The following SYNE2 variants were observed in gnomAD, a reference collection of about 807,000 sequenced individuals.
SYNE2 encodes the protein spectrin repeat containing nuclear envelope protein 2, also known as nesprin-2.
In SYNE2, 431 loss-of-function variants were observed where a neutral mutation model predicts 856.3. The ratio of observed to expected loss-of-function variants is 0.50; its 90% CI spans 0.47 to 0.55. The LOEUF (loss-of-function observed/expected upper bound fraction) is 0.55. Ranked by LOEUF, SYNE2 falls within the 20% of genes least tolerant of loss-of-function variation. SYNE2 has a pLI of 0.00. For synonymous variants in SYNE2, 2,923 were observed against 2,872.3 expected (o/e 1.02, Z -0.56); for missense variants, 8,129 against 8,023.2 (o/e 1.01, Z -0.50).
chr14:63,991,786 A>G (rs1230270232), intron 21 of SYNE2, among the ~76,000 whole-genome samples: 2 of 152,144 alleles, frequency 1.3e-5, no homozygotes, highest in Admixed American at 6.5e-5. Flanking sequence ...TTTTTCATTC[A>G]TATTCAGCAT....
At chr14:64,073,905 G>A (rs751086109) in intron 52 of SYNE2, 63 bp from the exon 53 acceptor site, 70 of 1,551,636 alleles carry the variant, frequency 4.5e-5, no homozygotes, top group Admixed American at 1.3e-4. Context: ...CAATAAAACT[G>A]TTTCATTTTA....
chr14:64,224,358 A>G, intron 113 of SYNE2, 103 bp from the exon 114 acceptor site: 2 of 1,132,844 alleles, frequency 1.8e-6, no homozygotes, highest in South Asian at 2.5e-5. Context: ...AAAACAAAAC[A>G]AAACAAAAAA....
Position 64,141,579 on chromosome 14 carries a change from CTT to C in SYNE2, c.15159+59_15159+60del, listed in dbSNP as rs373652616. The C allele has an allele frequency of 3.4e-4, 535 of 1,560,402 alleles. 2 individuals carry two copies. The African/African-American group carries it at 6.7e-3, about 19-fold the overall frequency. ...AGCATTCACTTGTTAGCTCATAACT[CTT>C]TTAAAATTATTTCTCTGACTCAATA... On this transcript the variant is annotated intron_variant, in intron 81 of 115. Coordinates refer to ENST00000555002, the MANE Select transcript of SYNE2 (RefSeq NM_182914.3).
intron 1 of SYNE2, among the ~76,000 whole-genome samples, chr14:63,889,179 TA>T (rs1221335003): frequency 1.3e-5 from 2 of 151,480 alleles, no homozygotes. Context: ...TCTGGAACAT[TA>T]AAAATTACTT....
At chr14:64,152,771 T>C in intron 85 of SYNE2, 55 bp downstream of exon 85, 1 of 1,608,896 alleles carries the variant, frequency 6.2e-7, no homozygotes, top group Middle Eastern at 1.7e-4. Context: ...TTTTACCTTA[T>C]TTGTCGTTGT....
chr14:64,138,056 T>G lies in SYNE2; in HGVS notation c.14843+73T>G, dbSNP rs570785681. On this transcript the variant is annotated intron_variant, in intron 79 of 115. Transcript: ENST00000555002. ...AGACCTCGGGGATTCTGTAGTCAAC[T>G]AAATTTTACCTGCAACCCACCTTAT... 423 of 1,530,340 alleles carry G rather than the reference T, an allele frequency of 2.8e-4. 1 individual carries two copies. In the South Asian group the frequency reaches 4.6e-3, roughly 17 times the overall value. The allele number at this position is 1,530,340 out of a possible 1,614,324, so 94.8% of individuals were successfully genotyped here. A position where few individuals can be genotyped will look rare whatever the true frequency, so the allele number is the denominator to read the frequency against.
chr14:63,954,398 A>G (rs1370779149), intron 7 of SYNE2, among the ~76,000 whole-genome samples: 1 of 152,162 alleles, frequency 6.6e-6, no homozygotes, highest in Non-Finnish European at 1.5e-5. Context: ...TTAAAGGCAC[A>G]GATTTCAGGC....
intron 108 of SYNE2, among the ~76,000 whole-genome samples, chr14:64,217,187 G>A (rs2098670559): frequency 6.6e-6 from 1 of 152,220 alleles, no homozygotes; most frequent in Admixed American, 6.5e-5. Context: ...CTCACCTGAG[G>A]CTAAAGCTAT....
intron 2 of SYNE2, among the ~76,000 whole-genome samples, chr14:63,929,683 A>G (rs1169002160): frequency 1.3e-5 from 2 of 151,816 alleles, no homozygotes; most frequent in African/African-American, 4.8e-5. Flanking sequence ...AAGCAGGAGA[A>G]TTGCATGAAC....
intron 19 of SYNE2, among the ~76,000 whole-genome samples, chr14:63,987,355 G>A (rs2096634586): frequency 6.6e-6 from 1 of 152,064 alleles, no homozygotes. Flanking sequence ...AGTGACTCAT[G>A]TTGTTAGATC....
intron 102 of SYNE2, 137 bp downstream of exon 102, chr14:64,209,715 C>T: frequency 7.5e-7 from 1 of 1,325,484 alleles, no homozygotes; most frequent in Non-Finnish European, 1.1e-6. Flanking sequence ...AGCCTGCCCC[C>T]AGCTGCTGAG....
chr14:63,922,749 A>G (rs1483969891), intron 2 of SYNE2, among the ~76,000 whole-genome samples: 1 of 152,228 alleles, frequency 6.6e-6, no homozygotes, highest in Non-Finnish European at 1.5e-5. Context: ...TAAGTCATAC[A>G]TGTAAATTGT....
intron 1 of SYNE2, among the ~76,000 whole-genome samples, chr14:63,858,447 C>T (rs973164027): frequency 1.3e-5 from 2 of 150,834 alleles, no homozygotes; most frequent in African/African-American, 2.4e-5. Context: ...GACAGTATCT[C>T]GCTGTGTTGC....
Position 64,051,929 on chromosome 14 carries a change from C to G in SYNE2, c.8016C>G (p.Leu2672=). ...GCATGATTGCCTTGACCACTGACCT[C>G]CAGGCTACCAAGCATGGATTTTCTG... ...NQSMIALTTD[L]QATKHGFSVL... is the part of the protein sequence containing the mutation. Residue 2672 remains leucine (L), a synonymous_variant, in exon 48 of 116, where the codon CTC becomes CTG. Coordinates refer to ENST00000555002, the MANE Select transcript of SYNE2 (RefSeq NM_182914.3). 1 of 1,613,774 alleles carries G rather than the reference C, an allele frequency of 6.2e-7. No homozygotes were observed. The highest frequency in any genetic ancestry group is 8.5e-7 in the Non-Finnish European group (1 of 1,180,016).
intron 19 of SYNE2, among the ~76,000 whole-genome samples, chr14:63,989,334 T>G (rs993485831): frequency 3.9e-5 from 6 of 152,180 alleles, no homozygotes; most frequent in South Asian, 2.1e-4. Flanking sequence ...GATCAGATTT[T>G]ATTTTATTTT....
chr14:63,977,774 A>G, intron 12 of SYNE2, 131 bp from the exon 13 acceptor site: 1 of 697,846 alleles, frequency 1.4e-6, no homozygotes. Flanking sequence ...AACAATAAAA[A>G]AAAGGTGGGT....
At position 63,982,712 on chromosome 14, in the gene SYNE2, A is replaced by G. The variant is rs111890751; in HGVS notation, c.1919A>G (p.Asn640Ser). The change falls in exon 17 of 116, where the codon AAT becomes AGT. Residue 640 changes from asparagine (N) to serine (S), a missense_variant. By Grantham distance (46) the Asn-to-Ser change is conservative. This residue lies in a region of SYNE2 where 2,422 missense variants were observed against 2,357.4 expected (regional missense o/e 1.03). Coordinates refer to ENST00000555002, the MANE Select transcript of SYNE2 (RefSeq NM_182914.3). ...EAGNFLVEVSNDVVGSSISKE... is the reference protein window; with the variant it reads ...EAGNFLVEVSSDVVGSSISKE... ...GGAAATTTCTTAGTCGAAGTCAGCA[A>G]TGATGTGGTTGGATCATCTATTTCT... 3.2e-5 allele frequency: 52 copies of G among 1,614,144 alleles called. No homozygotes were observed. The highest frequency in any genetic ancestry group is 2.8e-4 in the African/African-American group (21 of 75,046).
chr14:63,793,938 TA>T (rs71120286), intron 1 of SYNE2, among the ~76,000 whole-genome samples: 93,122 of 147,188 alleles, frequency 0.63, 29,562 homozygotes, highest in South Asian at 0.75. Context: ...GACCCTGTCT[TA>T]AAAAAAAAAA....
At chr14:64,201,482 A>G (rs1333127260) in intron 99 of SYNE2, among the ~76,000 whole-genome samples, 3 of 152,168 alleles carry the variant, frequency 2.0e-5, no homozygotes, top group Non-Finnish European at 2.9e-5. Context: ...TGGTGGGTGC[A>G]CAGTGTCTGA....
Sources: gnomAD v4.1 joint callset for allele counts (sites outside exome capture counted in the v4.1 genomes callset) on GRCh38, gnomAD v4.1.1 for gene constraint, gnomAD v4.1.1 regional missense constraint, MANE v1.5 for transcripts, NCBI Gene and HGNC (gene_info 2026-07-23, HGNC 2026-07-21) for gene names.